TRPC4: variants seen among roughly 807,000 people sequenced by gnomAD.
TRPC4 encodes transient receptor potential cation channel subfamily C member 4.
Under a neutral mutation model 99.4 loss-of-function variants are expected in TRPC4, and 49 were observed. The ratio of observed to expected loss-of-function variants is 0.49; its 90% CI spans 0.39 to 0.63. The LOEUF is 0.63. Ranked by LOEUF, TRPC4 falls within the 20% of genes least tolerant of loss-of-function variation. TRPC4 has a pLI of 0.00. For synonymous variants in TRPC4, 454 were observed against 425.9 expected (o/e 1.07, Z -0.81); for missense variants, 898 against 1,152.9 (o/e 0.78, Z 3.20).
chr13:37,766,388 G>T (rs557339566), intron 2 of TRPC4, among the ~76,000 whole-genome samples: 2 of 149,352 alleles, frequency 1.3e-5, no homozygotes, highest in Admixed American at 1.4e-4. Flanking sequence ...CGAAATTAAC[G>T]CAAACTTTTA....
chr13:37,782,886 AAG>A (rs200583430), intron 2 of TRPC4, 68 bp downstream of exon 2: 166,990 of 1,038,606 alleles, frequency 0.16, 1,850 homozygotes, highest in East Asian at 0.23. Flanking sequence ...AAAAAAAAAA[AAG>A]AAAGAAAAGA....
chr13:37,674,399 G>A lies in TRPC4; in HGVS notation c.1235-32C>T, dbSNP rs1341885130. The A allele has an allele frequency of 3.2e-6, 5 of 1,582,676 alleles. No individual in the cohort carries two copies. The East Asian group carries it at 1.1e-4, about 36-fold the overall frequency. ...TTATAGAAAGATTCATTGTAAGTAT[G>A]ATTTCAATAGAATCACTAAAAAAGC... is the stretch of plus-strand genomic sequence containing the variant. On this transcript the variant is annotated intron_variant, in intron 4 of 10. Coordinates refer to ENST00000379705, the MANE Select transcript of TRPC4 (RefSeq NM_016179.4).
chr13:37,635,304 A>G lies in TRPC4; in HGVS notation c.*1599T>C, dbSNP rs375596652. ...GCTCTGATGGACACATCACAGCTCC[A>G]TCATGAGCTGTATTACCTTAGCCAG... is the stretch of plus-strand genomic sequence containing the variant. On this transcript the variant is annotated 3_prime_UTR_variant, in exon 11 of 11. Coordinates refer to ENST00000379705, the MANE Select transcript of TRPC4 (RefSeq NM_016179.4). 4.6e-5 allele frequency among the ~76,000 whole-genome samples: 7 copies of G among 152,242 alleles called. No individual in the cohort carries two copies. In the South Asian group the frequency reaches 1.0e-3, roughly 23 times the overall value.
At chr13:37,660,573 A>T (rs1952401127) in intron 6 of TRPC4, among the ~76,000 whole-genome samples, 2 of 152,190 alleles carry the variant, frequency 1.3e-5, no homozygotes, top group African/African-American at 4.8e-5. Context: ...ACAAAGTTTG[A>T]AACTGAGTGG....
intron 1 of TRPC4, among the ~76,000 whole-genome samples, chr13:37,841,012 A>G (rs1958716488): frequency 6.6e-6 from 1 of 152,100 alleles, no homozygotes; most frequent in African/African-American, 2.4e-5. Context: ...TCTAATCAGC[A>G]CAAAGCCAAA....
intron 1 of TRPC4, among the ~76,000 whole-genome samples, chr13:37,833,681 G>A (rs886161092): frequency 6.6e-6 from 1 of 152,050 alleles, no homozygotes; most frequent in Non-Finnish European, 1.5e-5. Context: ...TCGGGGTTTT[G>A]CGCCTCAACT....
chr13:37,692,958 A>T (rs931339211), intron 3 of TRPC4, among the ~76,000 whole-genome samples: 1 of 152,208 alleles, frequency 6.6e-6, no homozygotes, highest in Admixed American at 6.5e-5. Context: ...GGTATAAACA[A>T]TGCAAACACC....
chr13:37,643,015 C>T (rs1951772744), intron 8 of TRPC4, among the ~76,000 whole-genome samples: 1 of 152,132 alleles, frequency 6.6e-6, no homozygotes, highest in Admixed American at 6.6e-5. Flanking sequence ...CAGGTGTGAG[C>T]CACAGTGCCT....
chr13:37,745,512 ATATATACG>A (rs1402375727), intron 3 of TRPC4, among the ~76,000 whole-genome samples: 3 of 120,456 alleles, frequency 2.5e-5, no homozygotes, highest in African/African-American at 3.5e-5. Context: ...ATATATGTAT[ATATATACG>A]TATATATGTA....
At chr13:37,686,986 A>G (rs1953504047) in intron 4 of TRPC4, among the ~76,000 whole-genome samples, 1 of 150,458 alleles carries the variant, frequency 6.6e-6, no homozygotes, top group Admixed American at 6.6e-5. Flanking sequence ...TTTTTTTGAG[A>G]TGGAGTCTTG....
intron 3 of TRPC4, among the ~76,000 whole-genome samples, chr13:37,716,722 AC>A (rs1237396585): frequency 2.6e-5 from 4 of 152,132 alleles, no homozygotes; most frequent in African/African-American, 9.7e-5. Context: ...CTTAAAAAAA[AC>A]CACGCACTCT....
rs59528300 is a variant in TRPC4 at position 37,639,744 on chromosome 13, CAT to C, written c.2080-447_2080-446del. Among the ~76,000 whole-genome samples the C allele has an allele frequency of 9.1e-4, 134 of 146,700 alleles. 3 individuals carry two copies. The highest frequency in any genetic ancestry group is 6.1e-4 in the Admixed American group (9 of 14,678). On this transcript the variant is annotated intron_variant, in intron 8 of 10. Coordinates refer to ENST00000379705, the MANE Select transcript of TRPC4 (RefSeq NM_016179.4). ...CTCATTAGTCACTGAACTCTCCAAT[CAT>C]ATATATATATATATAATATCAATCA... is the stretch of plus-strand genomic sequence containing the variant.
At chr13:37,797,938 A>T (rs771273257) in intron 1 of TRPC4, among the ~76,000 whole-genome samples, 64 of 152,066 alleles carry the variant, frequency 4.2e-4, no homozygotes, top group Non-Finnish European at 6.9e-4. Context: ...CTGCATTATG[A>T]CTCTTAAATA....
rs748682074 is a variant in TRPC4, at chr13:37,637,239, A to C, written c.2598T>G (p.Ser866=). The C allele has an allele frequency of 1.9e-6, 3 of 1,613,810 alleles. No homozygotes were observed. Among genetic ancestry groups the C allele is most frequent in the Non-Finnish European group, 8.5e-7 (1 of 1,179,896 alleles). Residue 866 remains serine, a synonymous_variant, in exon 11 of 11, where the codon TCT becomes TCG. Transcript: ENST00000379705. The part of the protein sequence containing the change: ...AAEQNANQIF[S]VSEEVARQQA... ...GTTGACGAGCAACTTCTTCTGAAAC[A>C]GAGAAGATTTGGTTTGCATTTTGCT...
intron 8 of TRPC4, among the ~76,000 whole-genome samples, chr13:37,643,522 C>G (rs1200579716): frequency 6.6e-6 from 1 of 152,140 alleles, no homozygotes; most frequent in South Asian, 2.1e-4. Context: ...GAAGGAATCA[C>G]AGGATTAGGA....
intron 2 of TRPC4, among the ~76,000 whole-genome samples, chr13:37,773,272 C>G (rs1352990665): frequency 5.9e-5 from 9 of 151,726 alleles, no homozygotes; most frequent in African/African-American, 1.9e-4. Context: ...GCCAGGAAAA[C>G]AGAGAAACCT....
intron 1 of TRPC4, among the ~76,000 whole-genome samples, chr13:37,814,801 C>A (rs770576974): frequency 6.6e-6 from 1 of 151,752 alleles, no homozygotes; most frequent in African/African-American, 2.4e-5. Flanking sequence ...AAAATTCCAA[C>A]TTACTTTTTA....
intron 1 of TRPC4, among the ~76,000 whole-genome samples, chr13:37,825,892 T>G (rs972476267): frequency 2.0e-5 from 3 of 149,600 alleles, no homozygotes; most frequent in Non-Finnish European, 4.5e-5. Flanking sequence ...CTCCCATTAT[T>G]AATGTGTGGG....
rs928521633 is a variant in TRPC4, at chr13:37,828,189, A to C, written c.-28+41406T>G. On this transcript the variant is annotated intron_variant, in intron 1 of 10. Coordinates refer to ENST00000379705, the MANE Select transcript of TRPC4 (RefSeq NM_016179.4). ...CCACTGTCTGGCACTCCCTAGTGAGATGAACCCGGTACCTCAGATGGAAAT... is the reference window on the plus strand; with the variant it reads ...CCACTGTCTGGCACTCCCTAGTGAGCTGAACCCGGTACCTCAGATGGAAAT... Among the ~76,000 whole-genome samples, 3 of 152,176 alleles carry C rather than the reference A, an allele frequency of 2.0e-5. No homozygotes were observed. The East Asian group carries it at 5.8e-4, about 29-fold the overall frequency.
Sources: gnomAD v4.1 joint callset for allele counts (sites outside exome capture counted in the v4.1 genomes callset) on GRCh38, gnomAD v4.1.1 for gene constraint, MANE v1.5 for transcripts, NCBI Gene and HGNC (gene_info 2026-07-23, HGNC 2026-07-21) for gene names.